The following S1PR3 variants were observed in gnomAD, a reference collection of about 807,000 sequenced individuals.
S1PR3 encodes sphingosine-1-phosphate receptor 3.
A neutral mutation model predicts 13.3 loss-of-function variants in S1PR3; 12 were observed. That is an observed-to-expected ratio of 0.90 (90% CI 0.58 to 1.46). The LOEUF is 1.46. Among genes scored for constraint, S1PR3 ranks in the 40% most tolerant of loss-of-function variants. The pLI is 0.00. For synonymous variants in S1PR3, 232 were observed against 214.0 expected (o/e 1.08, Z -0.73); for missense variants, 450 against 501.9 (o/e 0.90, Z 0.99).
At chr9:88,996,808 A>G (rs915484049) in intron 1 of S1PR3, 10 of 152,234 alleles carry the variant, frequency 6.6e-5, no homozygotes, top group Non-Finnish European at 1.2e-4. Flanking sequence ...AATCCGCCAG[A>G]GTGACTGACT....
At position 88,991,540 on chromosome 9, in the gene S1PR3, C is replaced by T. The variant is rs1472210784; in HGVS notation, c.-303C>T. 1 of 1,547,024 alleles carries T rather than the reference C, an allele frequency of 6.5e-7. No homozygotes were observed. Among genetic ancestry groups the T allele is most frequent in the Non-Finnish European group, 8.7e-7 (1 of 1,145,772 alleles). On this transcript the variant is annotated 5_prime_UTR_variant, in exon 1 of 2. Coordinates refer to ENST00000358157, the MANE Select transcript of S1PR3 (RefSeq NM_005226.4). This position sits in a 1 kb window ranked among gnomAD's most constrained non-coding sequence, Gnocchi z 4.0. Reference sequence around the variant, plus strand: ...ACCAGAAGGCGGCTGCAGGACGCGACCGAGCAGGACCCCAGGCCCGGGAAC... The same window carrying T: ...ACCAGAAGGCGGCTGCAGGACGCGATCGAGCAGGACCCCAGGCCCGGGAAC...
Position 89,001,145 on chromosome 9 carries a change from G to C in S1PR3, c.-56G>C. The stretch of plus-strand genomic sequence containing the variant: ...AGCCCCGCTTCCCTTTGAAATGAAT[G>C]TTCCTGGGGCGCCCTCTCGTGGATT... On this transcript the variant is annotated 5_prime_UTR_variant, in exon 2 of 2. It removes an upstream start codon present in the reference 5' UTR. Coordinates refer to ENST00000358157, the MANE Select transcript of S1PR3 (RefSeq NM_005226.4). 1 of 1,578,634 alleles carries C rather than the reference G, an allele frequency of 6.3e-7. No homozygotes were observed. The highest frequency in any genetic ancestry group is 8.6e-7 in the Non-Finnish European group (1 of 1,159,098).
At position 89,002,682 on chromosome 9, in the gene S1PR3, G is replaced by A; in HGVS notation, c.*345G>A. ...GACCCTCTCCGTGTGCCTCTGAATG[G>A]TGTTTTGATGATTTTACACTACATT... On this transcript the variant is annotated 3_prime_UTR_variant, in exon 2 of 2. Coordinates refer to ENST00000358157, the MANE Select transcript of S1PR3 (RefSeq NM_005226.4). 2 of 328,548 alleles carry A rather than the reference G, an allele frequency of 6.1e-6. No homozygotes were observed. The highest frequency in any genetic ancestry group is 5.8e-5 in the South Asian group (1 of 17,146). The allele number at this position is 328,548 out of a possible 1,614,324, so 20.4% of individuals were successfully genotyped here. A position where few individuals can be genotyped will look rare whatever the true frequency, so the allele number is the denominator to read the frequency against.
Position 89,001,133 on chromosome 9 carries a change from T to G in S1PR3, c.-68T>G, listed in dbSNP as rs1289666379. 6 of 1,559,308 alleles carry G rather than the reference T, an allele frequency of 3.8e-6. No individual in the cohort carries two copies. In the African/African-American group the frequency reaches 5.4e-5, roughly 14 times the overall value. ...AGCCGGAACCTCAGCCCCGCTTCCCTTTGAAATGAATGTTCCTGGGGCGCC... is the reference window on the plus strand; with the variant it reads ...AGCCGGAACCTCAGCCCCGCTTCCCGTTGAAATGAATGTTCCTGGGGCGCC... On this transcript the variant is annotated 5_prime_UTR_variant, in exon 2 of 2. Coordinates refer to ENST00000358157, the MANE Select transcript of S1PR3 (RefSeq NM_005226.4).
At chr9:89,000,092 G>A (rs1009661895) in intron 1 of S1PR3, 1 of 152,194 alleles carries the variant, frequency 6.6e-6, no homozygotes, top group Non-Finnish European at 1.5e-5. Context: ...TGGGTGTGTG[G>A]CGTCATCAAC....
At chr9:88,993,690 G>A (rs1024305471) in intron 1 of S1PR3, 1 of 152,206 alleles carries the variant, frequency 6.6e-6, no homozygotes, top group South Asian at 2.1e-4. Context: ...GAGTGGAATC[G>A]TATCTAGTTT....
Position 89,002,689 on chromosome 9 carries a change from G to T in S1PR3, c.*352G>T, listed in dbSNP as rs1825885865. 3.1e-6 allele frequency: 1 copy of T among 321,182 alleles called. No homozygotes were observed. Among genetic ancestry groups the T allele is most frequent in the Non-Finnish European group, 6.1e-6 (1 of 163,260 alleles). 19.9% of individuals were successfully genotyped at this position (321,182 alleles called of 1,614,324 possible). On this transcript the variant is annotated 3_prime_UTR_variant, in exon 2 of 2. Coordinates refer to ENST00000358157, the MANE Select transcript of S1PR3 (RefSeq NM_005226.4). The stretch of plus-strand genomic sequence containing the variant: ...TCCGTGTGCCTCTGAATGGTGTTTT[G>T]ATGATTTTACACTACATTTCCTGTG...
intron 1 of S1PR3, chr9:88,997,973 C>T (rs1425836415): frequency 6.6e-6 from 1 of 152,256 alleles, no homozygotes; most frequent in African/African-American, 2.4e-5. Flanking sequence ...CTCGCGGTCC[C>T]CATCAGCACT....
At chr9:89,000,203 C>T (rs1460049315) in intron 1 of S1PR3, 2 of 152,192 alleles carry the variant, frequency 1.3e-5, no homozygotes, top group African/African-American at 2.4e-5. Context: ...GAGGCCTTCA[C>T]TCACCACTTT....
In S1PR3 at chr9:88,991,819, C is replaced by T. The variant is rs760656856; in HGVS notation, c.-148+124C>T. 1.2e-6 allele frequency: 2 copies of T among 1,609,856 alleles called. No individual in the cohort carries two copies. The highest frequency in any genetic ancestry group is 1.3e-5 in the African/African-American group (1 of 74,870). ...CGGGGACTTGGGCGCGCCACGGCGG[C>T]CGGAGCGCTCCACATCAGCACCCCT... is the stretch of plus-strand genomic sequence containing the variant. On this transcript the variant is annotated intron_variant, in intron 1 of 1. Coordinates refer to ENST00000358157, the MANE Select transcript of S1PR3 (RefSeq NM_005226.4). This position sits in a 1 kb window ranked among gnomAD's most constrained non-coding sequence, Gnocchi z 4.0.
In S1PR3 at chr9:89,005,072, A is replaced by C. The variant is rs1006894395; in HGVS notation, c.*2735A>C. On this transcript the variant is annotated 3_prime_UTR_variant, in exon 2 of 2. Transcript: ENST00000358157. The stretch of plus-strand genomic sequence containing the variant: ...TTTCACCGGGTGCCCTCCCCACTGC[A>C]GGGGTGCGCACTGTTGTTGCAGGCT... The C allele has an allele frequency of 6.1e-6, 1 of 162,930 alleles. No homozygotes were observed. The highest frequency in any genetic ancestry group is 1.5e-5 in the Non-Finnish European group (1 of 68,084). The allele number at this position is 162,930 out of a possible 1,614,324, so 10.1% of individuals were successfully genotyped here. A position where few individuals can be genotyped will look rare whatever the true frequency, so the allele number is the denominator to read the frequency against.
chr9:89,004,192 A>C lies in S1PR3; in HGVS notation c.*1855A>C, dbSNP rs1825903993. Reference sequence around the variant, plus strand: ...GGCGGGTGGATCACCTGAGGTCAGGAGTTTGTGACCAGCCTGGCCAACATA... The same window carrying C: ...GGCGGGTGGATCACCTGAGGTCAGGCGTTTGTGACCAGCCTGGCCAACATA... On this transcript the variant is annotated 3_prime_UTR_variant, in exon 2 of 2. Coordinates refer to ENST00000358157, the MANE Select transcript of S1PR3 (RefSeq NM_005226.4). 6.5e-6 allele frequency: 1 copy of C among 152,846 alleles called. No homozygotes were observed. The highest frequency in any genetic ancestry group is 2.4e-5 in the African/African-American group (1 of 41,436). The allele number at this position is 152,846 out of a possible 1,614,324, so 9.5% of individuals were successfully genotyped here.
chr9:88,991,569 G>C lies in S1PR3; in HGVS notation c.-274G>C, dbSNP rs1370168645. 7 of 1,545,200 alleles carry C rather than the reference G, an allele frequency of 4.5e-6. No individual in the cohort carries two copies. On this transcript the variant is annotated 5_prime_UTR_variant, in exon 1 of 2. Coordinates refer to ENST00000358157, the MANE Select transcript of S1PR3 (RefSeq NM_005226.4). This position sits in a 1 kb window ranked among gnomAD's most constrained non-coding sequence, Gnocchi z 4.0. ...GCAGGACCCCAGGCCCGGGAACGAC[G>C]TCGCGAGCGCTGAGACTGCCGGGCC...
intron 1 of S1PR3, chr9:88,992,219 T>A: frequency 1.7e-6 from 1 of 601,688 alleles, no homozygotes. Flanking sequence ...TGTTCGTAAC[T>A]GAGATAACAG....
chr9:88,992,136 C>A, intron 1 of S1PR3: 1 of 1,103,356 alleles, frequency 9.1e-7, no homozygotes, highest in Non-Finnish European at 1.3e-6. Context: ...CAATTAGGGC[C>A]GTCAGAATCG....
In S1PR3 at chr9:89,001,767, G is replaced by A; in HGVS notation, c.567G>A (p.Leu189=). ...LHNLPDCSTI[L]PLYSKKYIAF... ...ATCTCCCTGACTGCTCTACCATCCT[G>A]CCCCTCTACTCCAAGAAGTACATTG... Residue 189 remains leucine, a synonymous_variant, in exon 2 of 2, where the codon CTG becomes CTA. Coordinates refer to ENST00000358157, the MANE Select transcript of S1PR3 (RefSeq NM_005226.4). The A allele has an allele frequency of 6.2e-7, 1 of 1,614,196 alleles. No individual in the cohort carries two copies. The highest frequency in any genetic ancestry group is 2.2e-5 in the East Asian group (1 of 44,868).
intron 1 of S1PR3, chr9:88,996,581 A>G (rs1203756496): frequency 6.6e-6 from 1 of 152,244 alleles, no homozygotes; most frequent in Non-Finnish European, 1.5e-5. Context: ...AGCAGGCTAA[A>G]CTCACCTAGG....
At chr9:88,991,343 G>A (rs1258681187), upstream of S1PR3, 23 of 1,365,828 alleles carry the variant, frequency 1.7e-5, no homozygotes, top group East Asian at 2.6e-5. This position sits in a 1 kb window ranked among gnomAD's most constrained non-coding sequence, Gnocchi z 4.0. Context: ...CCGGGTTCGC[G>A]GGCGGGGGAC....
chr9:88,992,213 C>G, intron 1 of S1PR3: 1 of 606,138 alleles, frequency 1.6e-6, no homozygotes, highest in South Asian at 2.0e-5. Context: ...ACGTTGTGTT[C>G]GTAACTGAGA....
Sources: gnomAD v4.1 joint callset for allele counts on GRCh38, gnomAD v4.1.1 for gene constraint, Gnocchi (gnomAD v3.1) non-coding constraint, MANE v1.5 for transcripts, NCBI Gene and HGNC (gene_info 2026-07-23, HGNC 2026-07-21) for gene names.